Variants in KIAA0232 observed in about 807,000 individuals in gnomAD.
The protein encoded by KIAA0232 is KIAA0232.
Under a neutral mutation model 122.0 loss-of-function variants are expected in KIAA0232, and 27 were observed. The ratio of observed to expected loss-of-function variants is 0.22; its 90% CI spans 0.16 to 0.31. The LOEUF is 0.31. KIAA0232 is among the 10% of genes least tolerant of loss of function. The pLI, the probability that KIAA0232 is intolerant of heterozygous loss-of-function variation, is 1.00. For synonymous variants in KIAA0232, 613 were observed against 587.6 expected, an observed-to-expected ratio of 1.04 and a Z score of -0.63; for missense variants, 1,551 against 1,634.2, an observed-to-expected ratio of 0.95 and a Z score of 0.88.
chr4:6,826,263 G>A (rs987030402), intron 3 of KIAA0232, among the ~76,000 whole-genome samples: 1 of 152,158 alleles, frequency 6.6e-6, no homozygotes, highest in Non-Finnish European at 1.5e-5. Flanking sequence ...GTTTTGAAGG[G>A]ATTAACTTAT....
rs10716163 is a variant in KIAA0232, at chr4:6,791,315, C to CTTTTTTTTT, written c.-354+8494_-354+8502dup. On this transcript the variant is annotated intron_variant, in intron 1 of 9. Coordinates refer to ENST00000307659, the MANE Select transcript of KIAA0232 (RefSeq NM_014743.3). ...GGAATACAAGTAGCTGTCATAAAGCCTTTTTTTTTTTTTTTTTTTTTTTTT... is the reference window on the plus strand; with the variant it reads ...GGAATACAAGTAGCTGTCATAAAGCCTTTTTTTTTTTTTTTTTTTTTTTTTTTTTTTTTT... 3.6e-5 allele frequency among the ~76,000 whole-genome samples: 3 copies of CTTTTTTTTT among 82,672 alleles called. 1 individual carries two copies. Among genetic ancestry groups the CTTTTTTTTT allele is most frequent in the African/African-American group, 6.4e-5 (1 of 15,530 alleles). 54.2% of individuals were successfully genotyped at this position (82,672 alleles called of 152,430 possible). A position where few individuals can be genotyped will look rare whatever the true frequency, so the allele number is the denominator to read the frequency against.
At chr4:6,837,181 C>T (rs1719349939) in intron 3 of KIAA0232, among the ~76,000 whole-genome samples, 1 of 151,494 alleles carries the variant, frequency 6.6e-6, no homozygotes, top group Admixed American at 6.6e-5. Context: ...GGAGGGGCTC[C>T]TCACTTCCCA....
chr4:6,806,562 G>A (rs61030641), intron 2 of KIAA0232, among the ~76,000 whole-genome samples: 2,865 of 151,700 alleles, frequency 0.019, 94 homozygotes, highest in African/African-American at 0.066. Flanking sequence ...GTGAAACCCC[G>A]TCTGTATTAA....
intron 4 of KIAA0232, among the ~76,000 whole-genome samples, chr4:6,852,712 A>G (rs1720357703): frequency 6.6e-6 from 1 of 152,242 alleles, no homozygotes; most frequent in African/African-American, 2.4e-5. Flanking sequence ...GCTAGGGCTC[A>G]GCTGGGAGGT....
intron 1 of KIAA0232, among the ~76,000 whole-genome samples, chr4:6,804,242 C>T (rs1278490452): frequency 6.6e-6 from 1 of 152,106 alleles, no homozygotes; most frequent in African/African-American, 2.4e-5. Context: ...ACAGGTATTC[C>T]TGCTCTAGCG....
intron 4 of KIAA0232, among the ~76,000 whole-genome samples, chr4:6,845,713 C>G (rs1719920790): frequency 6.6e-6 from 1 of 152,010 alleles, no homozygotes; most frequent in Non-Finnish European, 1.5e-5. Context: ...GAGAAAGGAT[C>G]TTATTTCTTC....
chr4:6,802,722 A>G (rs1481139222), intron 1 of KIAA0232, among the ~76,000 whole-genome samples: 1 of 152,152 alleles, frequency 6.6e-6, no homozygotes, highest in Admixed American at 6.6e-5. Flanking sequence ...ATAACATAGA[A>G]TACAGAGTGG....
At chr4:6,800,824 T>C (rs1169451289) in intron 1 of KIAA0232, among the ~76,000 whole-genome samples, 2 of 152,176 alleles carry the variant, frequency 1.3e-5, no homozygotes, top group East Asian at 1.9e-4. Flanking sequence ...CAGAGCCAGG[T>C]TGGCTCCTGG....
intron 4 of KIAA0232, among the ~76,000 whole-genome samples, chr4:6,842,847 C>G (rs1719737196): frequency 6.6e-6 from 1 of 152,044 alleles, no homozygotes; most frequent in African/African-American, 2.4e-5. Context: ...CCGTGGCCTC[C>G]CAAAGTGCTG....
chr4:6,863,028 G>A lies in KIAA0232; in HGVS notation c.2646G>A (p.Glu882=), dbSNP rs1463910230. The change falls in exon 7 of 10, where the codon GAG becomes GAA. Residue 882 remains glutamate, a synonymous_variant. Transcript: ENST00000307659. Reference sequence around the variant, plus strand: ...CTGATAAGGCTGTGCGGAGGTCAGAGTACCATCTGTGGGAGGGACAGAAAG... The same window carrying A: ...CTGATAAGGCTGTGCGGAGGTCAGAATACCATCTGTGGGAGGGACAGAAAG... ...QEPDKAVRRS[E]YHLWEGQKES... 2 of 1,614,248 alleles carry A rather than the reference G, an allele frequency of 1.2e-6. No individual in the cohort carries two copies. Among genetic ancestry groups the A allele is most frequent in the South Asian group, 2.2e-5 (2 of 91,092 alleles).
chr4:6,797,310 A>G (rs1418985662), intron 1 of KIAA0232, among the ~76,000 whole-genome samples: 2 of 152,226 alleles, frequency 1.3e-5, no homozygotes, highest in South Asian at 2.1e-4. Context: ...AAGTGGGGTC[A>G]GAGCTGGTTG....
Position 6,843,664 on chromosome 4 carries a change from G to A in KIAA0232, c.369+1460G>A, listed in dbSNP as rs543410390. The stretch of plus-strand genomic sequence containing the variant: ...GCATGCCTGTAATCCCAGCTACTTC[G>A]GAGGCTGAGGCAGGAGAATCACTTG... On this transcript the variant is annotated intron_variant, in intron 4 of 9. Transcript: ENST00000307659. 3.8e-3 allele frequency among the ~76,000 whole-genome samples: 582 copies of A among 152,150 alleles called. 2 individuals carry two copies. Among genetic ancestry groups the A allele is most frequent in the Middle Eastern group, 0.02 (6 of 294 alleles).
intron 4 of KIAA0232, among the ~76,000 whole-genome samples, chr4:6,843,832 A>C (rs909343108): frequency 6.7e-6 from 1 of 149,750 alleles, no homozygotes; most frequent in Non-Finnish European, 1.5e-5. Context: ...CTCATGATAC[A>C]TTGTGTATAC....
intron 8 of KIAA0232, among the ~76,000 whole-genome samples, chr4:6,874,445 G>C (rs1043620379): frequency 6.6e-6 from 1 of 152,196 alleles, no homozygotes; most frequent in East Asian, 1.9e-4. Context: ...CAGCCAGGCA[G>C]CTGGGAGCCA....
chr4:6,813,644 G>C lies in KIAA0232; in HGVS notation c.-270+9038G>C, dbSNP rs1451561316. On this transcript the variant is annotated intron_variant, in intron 2 of 9. Coordinates refer to ENST00000307659, the MANE Select transcript of KIAA0232 (RefSeq NM_014743.3). Reference sequence around the variant, plus strand: ...CCCAAAGTGCTGGGATTACAGGCGTGAGCCACCGCGCCTGGCCAGGTCTGT... The same window carrying C: ...CCCAAAGTGCTGGGATTACAGGCGTCAGCCACCGCGCCTGGCCAGGTCTGT... Among the ~76,000 whole-genome samples the C allele has an allele frequency of 2.0e-5, 3 of 152,168 alleles. 1 individual carries two copies. The highest frequency in any genetic ancestry group is 1.3e-4 in the Admixed American group (2 of 15,274).
chr4:6,863,842 T>C lies in KIAA0232; in HGVS notation c.3460T>C (p.Leu1154=), dbSNP rs16839403. 9,345 of 1,614,054 alleles carry C rather than the reference T, an allele frequency of 5.8e-3. 378 individuals are homozygous for C. The African/African-American group carries it at 0.094, about 16-fold the overall frequency. ...AGATCCGCAGGCAGATCTCAAACCT[T>C]TGGAAGAAGATGCAGAGAAAGAAGG... is the stretch of plus-strand genomic sequence containing the variant. ...FEDPQADLKP[L]EEDAEKEGHY... is the part of the protein sequence containing the mutation. Residue 1154 remains leucine, a synonymous_variant, in exon 7 of 10, where the codon TTG becomes CTG. Transcript: ENST00000307659.
intron 4 of KIAA0232, among the ~76,000 whole-genome samples, chr4:6,847,474 T>A (rs1038023254): frequency 6.6e-6 from 1 of 152,234 alleles, no homozygotes; most frequent in Non-Finnish European, 1.5e-5. Context: ...TTTAATTTTA[T>A]ACATTGATTA....
At chr4:6,817,340 C>T (rs1352817591) in intron 2 of KIAA0232, among the ~76,000 whole-genome samples, 2 of 152,278 alleles carry the variant, frequency 1.3e-5, no homozygotes, top group Non-Finnish European at 1.5e-5. Flanking sequence ...CCTCAGCCTC[C>T]CAAGTAGCTG....
intron 3 of KIAA0232, among the ~76,000 whole-genome samples, chr4:6,836,990 C>T (rs1417613865): frequency 6.6e-6 from 1 of 152,230 alleles, no homozygotes; most frequent in Non-Finnish European, 1.5e-5. Flanking sequence ...TTCTTTTCCC[C>T]ACACTTCCCC....
Sources: allele counts gnomAD v4.1 joint callset (sites outside exome capture counted in the v4.1 genomes callset), GRCh38; gene constraint gnomAD v4.1.1; transcripts MANE v1.5; gene names NCBI Gene and HGNC (gene_info 2026-07-23, HGNC 2026-07-21).